TRPC5: variants seen among roughly 807,000 people sequenced by gnomAD.
TRPC5 encodes short transient receptor potential channel 5.
A neutral mutation model predicts 56.5 loss-of-function variants in TRPC5; 9 were observed. The observed-to-expected ratio is 0.16, with a 90% CI of 0.10 to 0.28. TRPC5 has a LOEUF of 0.28. Ranked by LOEUF, TRPC5 falls within the 10% of genes least tolerant of loss-of-function variation. The pLI is 1.00. For missense variants in TRPC5, 469 were observed against 748.9 expected, an observed-to-expected ratio of 0.63 and a Z score of 4.36; for synonymous variants, 282 against 278.5, an observed-to-expected ratio of 1.01 and a Z score of -0.13.
At chrX:111,823,385 T>A in intron 7 of TRPC5, among the ~76,000 whole-genome samples, 1 of 111,757 alleles carries the variant, frequency 8.9e-6, no homozygotes, top group Non-Finnish European at 1.9e-5. Flanking sequence ...TATAGTCCAT[T>A]TACTGGTGTG....
intron 7 of TRPC5, among the ~76,000 whole-genome samples, chrX:111,803,947 A>T (rs1448806655): frequency 1.8e-5 from 2 of 111,832 alleles, no homozygotes; most frequent in African/African-American, 3.2e-5. Flanking sequence ...CTGAATGGTA[A>T]TGCCTAGGTT....
intron 1 of TRPC5, 131 bp from the exon 2 acceptor site, chrX:111,952,572 G>A (rs192322843): frequency 5.2e-5 from 34 of 654,704 alleles, no homozygotes; most frequent in African/African-American, 2.0e-4. Context: ...TCTTTTTTCC[G>A]CTTACAAAGA....
chrX:112,015,619 G>A (rs748829609), intron 1 of TRPC5, among the ~76,000 whole-genome samples: 1 of 111,309 alleles, frequency 9.0e-6, no homozygotes, highest in Non-Finnish European at 1.9e-5. Flanking sequence ...GCGTCATCCG[G>A]TGCCCCTTAA....
intron 2 of TRPC5, among the ~76,000 whole-genome samples, chrX:111,943,822 T>C (rs1270394572): frequency 8.9e-6 from 1 of 111,803 alleles, no homozygotes; most frequent in Non-Finnish European, 1.9e-5. Flanking sequence ...AAGGAGGTAA[T>C]CTTAGAACTA....
At chrX:111,844,968 T>A (rs912523553) in intron 6 of TRPC5, among the ~76,000 whole-genome samples, 2 of 110,293 alleles carry the variant, frequency 1.8e-5, no homozygotes, top group African/African-American at 6.6e-5. Flanking sequence ...CCGGGTGCAG[T>A]GGCTCAGACC....
intron 1 of TRPC5, among the ~76,000 whole-genome samples, chrX:112,072,803 G>A (rs1044274091): frequency 9.1e-6 from 1 of 110,391 alleles, no homozygotes; most frequent in Non-Finnish European, 1.9e-5. Context: ...TTGTCAGATC[G>A]ATCTCTCTCT....
rs995797925 is a variant in TRPC5 at position 111,811,910 on chromosome X, A to G, written c.1896+23011T>C. The stretch of plus-strand genomic sequence containing the variant: ...ACAGCAATCTCTCATCCTTGGAAAT[A>G]CACTTATGTTTTGCTACCACAGCTC... On this transcript the variant is annotated intron_variant, in intron 7 of 10. Coordinates refer to ENST00000262839, the MANE Select transcript of TRPC5 (RefSeq NM_012471.3). 9.9e-5 allele frequency among the ~76,000 whole-genome samples: 11 copies of G among 111,550 alleles called. No homozygotes were observed. The South Asian group carries it at 4.2e-3, about 43-fold the overall frequency.
In TRPC5 at chrX:111,941,154, C is replaced by T. The variant is rs757225325; in HGVS notation, c.378+10889G>A. ...AGCTAATCCATTCAGCATGAAGTTC[C>T]TACTCCAACCGTTCCTTCAATGTGC... On this transcript the variant is annotated intron_variant, in intron 2 of 10. Coordinates refer to ENST00000262839, the MANE Select transcript of TRPC5 (RefSeq NM_012471.3). Among the ~76,000 whole-genome samples, 18 of 112,119 alleles carry T rather than the reference C, an allele frequency of 1.6e-4. No individual in the cohort carries two copies. The Admixed American group carries it at 1.6e-3, about 10-fold the overall frequency.
chrX:111,825,209 TTCTTTCTTTCTTCTTTCTTTCTCTCTC>T (rs1922182935), intron 7 of TRPC5, among the ~76,000 whole-genome samples: 1 of 73,988 alleles, frequency 1.4e-5, no homozygotes, highest in African/African-American at 4.9e-5. Flanking sequence ...CTTTCTTTCT[TTCTTTCTTTCTTCTTTCTTTCTCTCTC>T]TCTCTCTCTC....
intron 1 of TRPC5, among the ~76,000 whole-genome samples, chrX:111,954,698 A>C (rs775571676): frequency 3.6e-5 from 4 of 111,705 alleles, no homozygotes; most frequent in African/African-American, 6.5e-5. Flanking sequence ...ATGTCCTTTC[A>C]GATGGTGTCA....
At chrX:112,074,557 T>C (rs1482232900) in intron 1 of TRPC5, among the ~76,000 whole-genome samples, 1 of 110,878 alleles carries the variant, frequency 9.0e-6, no homozygotes, top group Non-Finnish European at 1.9e-5. Flanking sequence ...CTAAATTAAA[T>C]CCAGCACAGC....
At chrX:111,964,037 G>C (rs190394983) in intron 1 of TRPC5, among the ~76,000 whole-genome samples, 2 of 111,317 alleles carry the variant, frequency 1.8e-5, no homozygotes, top group African/African-American at 6.5e-5. Context: ...AGCTACAGGA[G>C]GAAATTCAAA....
chrX:111,800,590 C>A lies in TRPC5; in HGVS notation c.1897-18452G>T, dbSNP rs753710479. 6.3e-5 allele frequency among the ~76,000 whole-genome samples: 7 copies of A among 110,345 alleles called. No homozygotes were observed. In the East Asian group the frequency reaches 2.0e-3, roughly 32 times the overall value. On this transcript the variant is annotated intron_variant, in intron 7 of 10. Coordinates refer to ENST00000262839, the MANE Select transcript of TRPC5 (RefSeq NM_012471.3). The stretch of plus-strand genomic sequence containing the variant: ...GACCAGCCTGGCCAACATGGTGAAA[C>A]CCCCTCTCTACTAAATTTGCTTTTG...
chrX:112,039,790 G>C (rs769772758), intron 1 of TRPC5, among the ~76,000 whole-genome samples: 10 of 111,916 alleles, frequency 8.9e-5, no homozygotes, highest in African/African-American at 2.9e-4. Context: ...CAGAGTCAGT[G>C]AGGGGCATTC....
At chrX:112,048,587 C>T (rs964780927) in intron 1 of TRPC5, among the ~76,000 whole-genome samples, 13 of 110,179 alleles carry the variant, frequency 1.2e-4, no homozygotes, top group African/African-American at 3.6e-4. Context: ...GGAAGGATTA[C>T]CACATCAGCT....
rs1602430200 is a variant in TRPC5, at chrX:112,082,273, C to A, written c.-416G>T. 1 of 111,364 alleles carries A rather than the reference C, an allele frequency of 9.0e-6. No homozygotes were observed. Among genetic ancestry groups the A allele is most frequent in the South Asian group, 4.0e-4 (1 of 2,531 alleles). 9.2% of individuals were successfully genotyped at this position (111,364 alleles called of 1,213,427 possible). On this transcript the variant is annotated 5_prime_UTR_variant, in exon 1 of 11. Coordinates refer to ENST00000262839, the MANE Select transcript of TRPC5 (RefSeq NM_012471.3). ...AGCGCACCCACTCCCTTCACGCAGCCAGTCACACACAATAAGAGCTAGGGA... is the reference window on the plus strand; with the variant it reads ...AGCGCACCCACTCCCTTCACGCAGCAAGTCACACACAATAAGAGCTAGGGA...
At chrX:112,038,713 G>C (rs1250772390) in intron 1 of TRPC5, among the ~76,000 whole-genome samples, 2 of 107,584 alleles carry the variant, frequency 1.9e-5, no homozygotes, top group Non-Finnish European at 3.8e-5. Context: ...ACAGAGTCTC[G>C]CTCTGTCGCC....
intron 7 of TRPC5, among the ~76,000 whole-genome samples, chrX:111,782,689 T>A (rs1023772153): frequency 1.8e-5 from 2 of 111,191 alleles, no homozygotes; most frequent in East Asian, 5.6e-4. Flanking sequence ...GAAGGCTTTT[T>A]TATTTTAAAA....
intron 7 of TRPC5, among the ~76,000 whole-genome samples, chrX:111,796,076 G>T (rs946240695): frequency 1.8e-5 from 2 of 111,849 alleles, no homozygotes; most frequent in South Asian, 3.7e-4. Context: ...GATTCTTTGT[G>T]TCAGTTCAAA....
Sources: gnomAD v4.1 joint callset for allele counts (sites outside exome capture counted in the v4.1 genomes callset) on GRCh38, gnomAD v4.1.1 for gene constraint, MANE v1.5 for transcripts, NCBI Gene and HGNC (gene_info 2026-07-23, HGNC 2026-07-21) for gene names.